Variants in DOP1B observed in about 807,000 individuals in gnomAD.
The protein encoded by DOP1B is DOP1 leucine zipper like protein B.
In DOP1B, 174 loss-of-function variants were observed where a neutral mutation model predicts 233.5. The ratio of observed to expected loss-of-function variants is 0.75; its 90% CI spans 0.66 to 0.85. The LOEUF is 0.85. Ranked by LOEUF, DOP1B falls within the 40% of genes least tolerant of loss-of-function variation. The probability of loss-of-function intolerance (pLI) is 0.00; values close to 1 mark genes in which losing one functional copy is unlikely to be tolerated. For missense variants in DOP1B, 2,652 were observed against 2,846.6 expected (o/e 0.93, Z 1.56); for synonymous variants, 1,190 against 1,185.6 (o/e 1.00, Z -0.08).
intron 10 of DOP1B, among the ~76,000 whole-genome samples, chr21:36,221,710 G>A (rs1033086535): frequency 6.6e-6 from 1 of 151,954 alleles, no homozygotes; most frequent in Non-Finnish European, 1.5e-5. Flanking sequence ...TGAGTAGCTA[G>A]GATTACAGGC....
At chr21:36,193,195 G>T (rs1341633017) in intron 2 of DOP1B, among the ~76,000 whole-genome samples, 1 of 152,162 alleles carries the variant, frequency 6.6e-6, no homozygotes, top group Non-Finnish European at 1.5e-5. Flanking sequence ...TAACGAAAGA[G>T]AGATTAACGA....
intron 26 of DOP1B, among the ~76,000 whole-genome samples, chr21:36,267,198 C>T (rs750776891): frequency 5.9e-5 from 9 of 152,196 alleles, no homozygotes; most frequent in Non-Finnish European, 1.3e-4. Context: ...CAGCTACTAA[C>T]CAGATTCTTT....
At chr21:36,166,460 C>T (rs2065912394) in intron 2 of DOP1B, among the ~76,000 whole-genome samples, 1 of 151,814 alleles carries the variant, frequency 6.6e-6, no homozygotes, top group Admixed American at 6.6e-5. Flanking sequence ...TTGTCTTCCA[C>T]GAAACTGGTC....
At chr21:36,220,814 G>A (rs960401455) in intron 10 of DOP1B, among the ~76,000 whole-genome samples, 3 of 151,350 alleles carry the variant, frequency 2.0e-5, no homozygotes, top group African/African-American at 7.3e-5. Flanking sequence ...ACTCTCTGGA[G>A]TGTCACTCTC....
chr21:36,159,250 G>A (rs541501750), intron 1 of DOP1B, among the ~76,000 whole-genome samples: 87 of 152,196 alleles, frequency 5.7e-4, no homozygotes, highest in African/African-American at 2.0e-3. Context: ...TTGGGTGTTC[G>A]AGACCAGGCT....
chr21:36,220,720 G>T (rs2066614379), intron 10 of DOP1B, among the ~76,000 whole-genome samples: 1 of 147,992 alleles, frequency 6.8e-6, no homozygotes, highest in Non-Finnish European at 1.5e-5. Context: ...GCTCAGGCTG[G>T]TCTCAAACTC....
At chr21:36,281,127 A>T (rs1243247265) in intron 31 of DOP1B, among the ~76,000 whole-genome samples, 1 of 151,516 alleles carries the variant, frequency 6.6e-6, no homozygotes. Context: ...AACATAGCGA[A>T]ACCCCATCTC....
intron 2 of DOP1B, among the ~76,000 whole-genome samples, chr21:36,166,174 C>T (rs1296486237): frequency 6.6e-6 from 1 of 151,744 alleles, no homozygotes. Flanking sequence ...TGGCTCACAC[C>T]TGTAATCCCA....
Position 36,219,362 on chromosome 21 carries a change from C to A in DOP1B, c.1130-10C>A. ...TAATCTGTCTCTGACCATCTTCCTT[C>A]TAATTACAGGGCCTCAAGTGGTTGG... On this transcript the variant is annotated splice_polypyrimidine_tract_variant and intron_variant, in intron 9 of 36. Transcript: ENST00000691173. 6.2e-7 allele frequency: 1 copy of A among 1,614,120 alleles called. No homozygotes were observed. The highest frequency in any genetic ancestry group is 8.5e-7 in the Non-Finnish European group (1 of 1,180,022).
At chr21:36,194,839 A>C (rs926175433) in intron 2 of DOP1B, among the ~76,000 whole-genome samples, 4 of 152,178 alleles carry the variant, frequency 2.6e-5, no homozygotes, top group Admixed American at 6.5e-5. Context: ...CTTGATAAGC[A>C]GTCTGAGTTT....
At chr21:36,163,754 G>A (rs2065887301) in intron 1 of DOP1B, among the ~76,000 whole-genome samples, 2 of 152,192 alleles carry the variant, frequency 1.3e-5, no homozygotes, top group African/African-American at 4.8e-5. Context: ...GCTGTTATGT[G>A]CAGAAAACAT....
At chr21:36,202,079 TGGGAGGC>T (rs990429064) in intron 4 of DOP1B, among the ~76,000 whole-genome samples, 1 of 151,870 alleles carries the variant, frequency 6.6e-6, no homozygotes, top group Non-Finnish European at 1.5e-5. Context: ...CCCAGCTACT[TGGGAGGC>T]TGAGGCAGGG....
At chr21:36,185,318 A>G (rs915821497) in intron 2 of DOP1B, among the ~76,000 whole-genome samples, 1 of 152,104 alleles carries the variant, frequency 6.6e-6, no homozygotes, top group African/African-American at 2.4e-5. Context: ...TCGGCCCCAC[A>G]TCCTTACCTT....
intron 2 of DOP1B, among the ~76,000 whole-genome samples, chr21:36,194,486 TC>T (rs58976173): frequency 0.28 from 29,108 of 104,590 alleles, 3,618 homozygotes; most frequent in Non-Finnish European, 0.31. Flanking sequence ...TCTCTCTCTC[TC>T]TTTTTTTTTT....
Position 36,253,825 on chromosome 21 carries a change from A to G in DOP1B, c.5175A>G (p.Ala1725=). Residue 1725 remains alanine, a synonymous_variant, in exon 23 of 37, where the codon GCA becomes GCG. Transcript: ENST00000691173. The part of the protein sequence containing the change: ...SQLTLVDLVC[A]LSTLQTDTLL... The stretch of plus-strand genomic sequence containing the variant: ...TAACCCTTGTCGACTTGGTGTGTGC[A>G]CTCAGCACCCTGCAGACTGACACGC... The G allele has an allele frequency of 6.2e-7, 1 of 1,613,776 alleles. No homozygotes were observed.
Position 36,245,927 on chromosome 21 carries a change from C to T in DOP1B, c.3947C>T (p.Thr1316Ile), listed in dbSNP as rs2066955692. The T allele has an allele frequency of 1.2e-6, 2 of 1,613,942 alleles. No individual in the cohort carries two copies. The highest frequency in any genetic ancestry group is 2.2e-5 in the South Asian group (2 of 91,068). Residue 1316 changes from threonine to isoleucine, a missense_variant, in exon 19 of 37, where the codon ACC (threonine) becomes ATC (isoleucine). Transcript: ENST00000691173. The surrounding 1 kb of genome is among the most constrained non-coding windows in gnomAD (Gnocchi z 5.5). ...CPHSLLLELL[T>I]YLCLSFLRSY... Reference sequence around the variant, plus strand: ...CACTCTCTGCTCCTGGAGCTGCTCACCTACCTCTGCCTGAGCTTCCTGCGC... The same window carrying T: ...CACTCTCTGCTCCTGGAGCTGCTCATCTACCTCTGCCTGAGCTTCCTGCGC...
chr21:36,181,825 C>T (rs2066101712), intron 2 of DOP1B, among the ~76,000 whole-genome samples: 1 of 129,154 alleles, frequency 7.7e-6, no homozygotes, highest in East Asian at 2.1e-4. Context: ...TGCCTGCACT[C>T]ACCTTCCATT....
chr21:36,218,741 G>C (rs529513090), intron 9 of DOP1B, among the ~76,000 whole-genome samples: 2 of 152,308 alleles, frequency 1.3e-5, no homozygotes, highest in South Asian at 4.1e-4. Context: ...GCCCTCAGCT[G>C]CCTGAGGGTT....
At chr21:36,228,067 AC>A (rs1236431509) in intron 13 of DOP1B, among the ~76,000 whole-genome samples, 190 bp downstream of exon 13, 1 of 152,156 alleles carries the variant, frequency 6.6e-6, no homozygotes, top group African/African-American at 2.4e-5. Context: ...AATGGCTCAC[AC>A]CTGTAATACC....
Sources: allele counts gnomAD v4.1 joint callset (sites outside exome capture counted in the v4.1 genomes callset), GRCh38; gene constraint gnomAD v4.1.1; non-coding constraint Gnocchi (gnomAD v3.1); transcripts MANE v1.5; gene names NCBI Gene and HGNC (gene_info 2026-07-23, HGNC 2026-07-21).